DACT3: variants seen among roughly 807,000 people sequenced by gnomAD.
DACT3 encodes dishevelled binding antagonist of beta catenin 3, also known as dapper homolog 3.
DACT3 carries 5 observed loss-of-function variants against 19.6 expected under a neutral mutation model. The observed-to-expected ratio is 0.26, with a 90% CI of 0.13 to 0.54. DACT3 has a LOEUF of 0.54. Ranked by LOEUF, DACT3 falls within the 20% of genes least tolerant of loss-of-function variation. DACT3 has a pLI of 0.95. For missense variants in DACT3, 908 were observed against 927.4 expected, an observed-to-expected ratio of 0.98 and a Z score of 0.27; for synonymous variants, 454 against 428.1, an observed-to-expected ratio of 1.06 and a Z score of -0.75.
At chr19:46,655,666 A>C (rs955957577) in intron 1 of DACT3, among the ~76,000 whole-genome samples, 1 of 152,152 alleles carries the variant, frequency 6.6e-6, no homozygotes, top group African/African-American at 2.4e-5. Flanking sequence ...TGTTTGTTGA[A>C]TCTCTCACTA....
rs778872360 is a variant in DACT3 at position 46,648,581 on chromosome 19, G to A, written c.1791C>T (p.Gly597=). 1.2e-6 allele frequency: 2 copies of A among 1,613,526 alleles called. No individual in the cohort carries two copies. The highest frequency in any genetic ancestry group is 2.7e-5 in the African/African-American group (2 of 74,920). ...GGGAGAGAPA[G]PAKVFVKIKA... is the part of the protein sequence containing the mutation. The stretch of plus-strand genomic sequence containing the variant: ...TGATTTTCACGAAGACTTTGGCGGG[G>A]CCTGCGGGCGCCCCTGCACCTGCTC... The change falls in exon 4 of 4, where the codon GGC becomes GGT. Residue 597 remains glycine, a synonymous_variant. Coordinates refer to ENST00000391916, the MANE Select transcript of DACT3 (RefSeq NM_145056.3). The surrounding 1 kb of genome is among the most constrained non-coding windows in gnomAD (Gnocchi z 5.1).
rs1192973660 is a variant in DACT3 at position 46,647,721 on chromosome 19, A to G, written c.*761T>C. Reference sequence around the variant, plus strand: ...TCATAATAAATACAGTAATTTTAAAAAAGAAAAAAAATACTAGATTGGAAC... The same window carrying G: ...TCATAATAAATACAGTAATTTTAAAGAAGAAAAAAAATACTAGATTGGAAC... On this transcript the variant is annotated 3_prime_UTR_variant, in exon 4 of 4. Coordinates refer to ENST00000391916, the MANE Select transcript of DACT3 (RefSeq NM_145056.3). 4 of 152,566 alleles carry G rather than the reference A, an allele frequency of 2.6e-5. No individual in the cohort carries two copies. The highest frequency in any genetic ancestry group is 9.7e-5 in the African/African-American group (4 of 41,432). The allele number at this position is 152,566 out of a possible 1,614,324, so 9.5% of individuals were successfully genotyped here. A position where few individuals can be genotyped will look rare whatever the true frequency, so the allele number is the denominator to read the frequency against.
In DACT3 at chr19:46,649,753, C is replaced by T. The variant is rs1333160138; in HGVS notation, c.619G>A (p.Glu207Lys). The T allele has an allele frequency of 8.6e-6, 11 of 1,282,996 alleles. No homozygotes were observed. Among genetic ancestry groups the T allele is most frequent in the Non-Finnish European group, 1.1e-5 (11 of 1,016,690 alleles). 79.5% of individuals were successfully genotyped at this position (1,282,996 alleles called of 1,614,324 possible). The stretch of plus-strand genomic sequence containing the variant: ...AAGGGCCCGGCGCGGGCCCGCCGCT[C>T]CGCCGAGGAGCAGGCCTCCGGGCCG... ...SAGPEACSSA[E>K]RRARAGPFLT... is the part of the protein sequence containing the mutation. Residue 207 changes from glutamate to lysine, a missense_variant, in exon 4 of 4, where the codon GAG becomes AAG. Physicochemically the swap from Glu to Lys is moderately conservative, Grantham distance 56. Coordinates refer to ENST00000391916, the MANE Select transcript of DACT3 (RefSeq NM_145056.3).
In DACT3 at chr19:46,649,796, C is replaced by G; in HGVS notation, c.576G>C (p.Pro192=). ...AVPRSFSAPY[P]TAGGSAGPEA... is the part of the protein sequence containing the mutation. ...CCGGGCCGGCGGACCCCCCTGCCGT[C>G]GGGTAGGGCGCTGAGAAGGACCGCG... The change falls in exon 4 of 4, where the codon CCG becomes CCC. Residue 192 remains proline, a synonymous_variant. Transcript: ENST00000391916. 7.3e-7 allele frequency: 1 copy of G among 1,364,602 alleles called. No homozygotes were observed. Among genetic ancestry groups the G allele is most frequent in the Non-Finnish European group, 9.4e-7 (1 of 1,062,892 alleles). The allele number at this position is 1,364,602 out of a possible 1,614,324, so 84.5% of individuals were successfully genotyped here. A position where few individuals can be genotyped will look rare whatever the true frequency, so the allele number is the denominator to read the frequency against.
intron 1 of DACT3, chr19:46,653,996 T>C (rs1188346515): frequency 1.0e-6 from 1 of 985,268 alleles, no homozygotes; most frequent in Non-Finnish European, 1.2e-6. Context: ...TGACCACGAC[T>C]CATAAACGTC....
At chr19:46,659,587 G>T (rs1243921861) in intron 1 of DACT3, 2 of 291,628 alleles carry the variant, frequency 6.9e-6, no homozygotes, top group Non-Finnish European at 5.1e-6. Flanking sequence ...TGTGCAGGGG[G>T]GTCCCACTCC....
At chr19:46,657,776 C>T (rs1423633610) in intron 1 of DACT3, among the ~76,000 whole-genome samples, 2 of 152,002 alleles carry the variant, frequency 1.3e-5, no homozygotes, top group Admixed American at 1.3e-4. Flanking sequence ...AGGTGTCGGG[C>T]GCAGTGGCTC....
intron 1 of DACT3, among the ~76,000 whole-genome samples, chr19:46,658,153 G>A (rs1291317425): frequency 2.6e-5 from 4 of 151,632 alleles, no homozygotes; most frequent in Non-Finnish European, 5.9e-5. Flanking sequence ...AGTGCTTTGA[G>A]AGGCTGAGAC....
chr19:46,653,156 CAG>C, intron 1 of DACT3, 81 bp from the exon 2 acceptor site: 1 of 1,519,902 alleles, frequency 6.6e-7, no homozygotes, highest in Non-Finnish European at 8.8e-7. Flanking sequence ...AGCTCATGGG[CAG>C]AGTTTCACTT....
intron 1 of DACT3, chr19:46,659,578 G>A (rs2053059020): frequency 3.0e-6 from 1 of 329,474 alleles, no homozygotes; most frequent in South Asian, 1.2e-4. Flanking sequence ...AGAAAAGAAT[G>A]TGCAGGGGGG....
chr19:46,648,318 T>TG lies in DACT3; in HGVS notation c.*163dup, dbSNP rs142136143. 367 of 921,250 alleles carry TG rather than the reference T, an allele frequency of 4.0e-4. 2 individuals carry two copies. In the African/African-American group the frequency reaches 5.7e-3, roughly 14 times the overall value. 57.1% of individuals were successfully genotyped at this position (921,250 alleles called of 1,614,324 possible). A position where few individuals can be genotyped will look rare whatever the true frequency, so the allele number is the denominator to read the frequency against. ...TCCTCCCCATTCCTCTCGGTGGTGG[T>TG]GGGGGAGCCTTTTCAACCAAGACTG... On this transcript the variant is annotated 3_prime_UTR_variant, in exon 4 of 4. Coordinates refer to ENST00000391916, the MANE Select transcript of DACT3 (RefSeq NM_145056.3). This position sits in a 1 kb window ranked among gnomAD's most constrained non-coding sequence, Gnocchi z 5.1.
intron 3 of DACT3, chr19:46,650,284 G>T (rs980415950): frequency 1.3e-5 from 2 of 152,366 alleles, no homozygotes; most frequent in Non-Finnish European, 2.9e-5. Flanking sequence ...ACCACGCCCG[G>T]CTAATTTTTT....
intron 3 of DACT3, chr19:46,650,959 A>G (rs79261609): frequency 6.6e-6 from 1 of 152,084 alleles, no homozygotes; most frequent in Non-Finnish European, 1.5e-5. Flanking sequence ...CCCAAACTCA[A>G]AGGGACACTT....
In DACT3 at chr19:46,660,768, A is replaced by G; in HGVS notation, c.249+48T>C. The G allele has an allele frequency of 7.0e-7, 1 of 1,435,996 alleles. No individual in the cohort carries two copies. The highest frequency in any genetic ancestry group is 9.1e-7 in the Non-Finnish European group (1 of 1,099,204). 89.0% of individuals were successfully genotyped at this position (1,435,996 alleles called of 1,614,324 possible). On this transcript the variant is annotated intron_variant, in intron 1 of 3. Transcript: ENST00000391916. This position sits in a 1 kb window ranked among gnomAD's most constrained non-coding sequence, Gnocchi z 4.9. ...GTGTCTGAGCATCCAACCGAGACAG[A>G]CAGACACAGACGGGGGTGGAGGGAC...
Position 46,649,511 on chromosome 19 carries a change from C to G in DACT3, c.861G>C (p.Gln287His). 9.2e-7 allele frequency: 1 copy of G among 1,087,824 alleles called. No individual in the cohort carries two copies. The highest frequency in any genetic ancestry group is 1.1e-6 in the Non-Finnish European group (1 of 898,072). 67.4% of individuals were successfully genotyped at this position (1,087,824 alleles called of 1,614,324 possible). ...GGPRRQNSVR[Q>H]RPPDASPSPG... ...GGGACGGAGACGCGTCGGGCGGCCG[C>G]TGGCGCACGCTGTTCTGGCGCCGCG... The change falls in exon 4 of 4, where the codon CAG becomes CAC. Residue 287 changes from glutamine to histidine, a missense_variant. Around this residue, in one of 2 missense-constraint regions of DACT3, gnomAD observed 656 missense variants for 601.8 expected, o/e 1.09. Transcript: ENST00000391916.
chr19:46,650,450 C>G (rs1458766692), intron 3 of DACT3: 2 of 147,450 alleles, frequency 1.4e-5, no homozygotes, highest in African/African-American at 5.1e-5. Flanking sequence ...TTCTTGCTTG[C>G]TCTGTCACCC....
chr19:46,658,552 G>A (rs530563412), intron 1 of DACT3, among the ~76,000 whole-genome samples: 6 of 152,026 alleles, frequency 3.9e-5, no homozygotes, highest in Admixed American at 2.0e-4. Flanking sequence ...GCACCTAGAC[G>A]CCCCCCAAAA....
chr19:46,648,321 G>GCC lies in DACT3; in HGVS notation c.*160_*161insGG. 14 of 1,200,172 alleles carry GCC rather than the reference G, an allele frequency of 1.2e-5. No individual in the cohort carries two copies. The highest frequency in any genetic ancestry group is 1.6e-5 in the Non-Finnish European group (14 of 858,908). 74.3% of individuals were successfully genotyped at this position (1,200,172 alleles called of 1,614,324 possible). A position where few individuals can be genotyped will look rare whatever the true frequency, so the allele number is the denominator to read the frequency against. On this transcript the variant is annotated 3_prime_UTR_variant, in exon 4 of 4. Transcript: ENST00000391916. The surrounding 1 kb of genome is among the most constrained non-coding windows in gnomAD (Gnocchi z 5.1). ...TCCCCATTCCTCTCGGTGGTGGTGG[G>GCC]GGAGCCTTTTCAACCAAGACTGTTA...
Position 46,649,558 on chromosome 19 carries a change from G to T in DACT3, c.814C>A (p.Pro272Thr). Reference sequence around the variant, plus strand: ...CGCGGGCCGCCGTCCGCGCCCCCGGGACTGGTCCGGGGCTGGCCCGCCCCC... The same window carrying T: ...CGCGGGCCGCCGTCCGCGCCCCCGGTACTGGTCCGGGGCTGGCCCGCCCCC... ...RRGAGQPRTS[P>T]GGADGGPRRQ... Residue 272 changes from proline to threonine, a missense_variant, in exon 4 of 4, where the codon CCC becomes ACC. By Grantham distance (38) the Pro-to-Thr change is conservative (BLOSUM62 -1). This residue lies in a region of DACT3 where 656 missense variants were observed against 601.8 expected (regional missense o/e 1.09). Transcript: ENST00000391916. 2.8e-6 allele frequency: 3 copies of T among 1,055,888 alleles called. No individual in the cohort carries two copies. Among genetic ancestry groups the T allele is most frequent in the South Asian group, 3.8e-5 (1 of 25,998 alleles). The allele number at this position is 1,055,888 out of a possible 1,614,324, so 65.4% of individuals were successfully genotyped here.
Sources: gnomAD v4.1 joint callset for allele counts (sites outside exome capture counted in the v4.1 genomes callset) on GRCh38, gnomAD v4.1.1 for gene constraint, gnomAD v4.1.1 regional missense constraint, Gnocchi (gnomAD v3.1) non-coding constraint, MANE v1.5 for transcripts, NCBI Gene and HGNC (gene_info 2026-07-23, HGNC 2026-07-21) for gene names.